Variants in NF1 observed in about 807,000 individuals in gnomAD.
The protein encoded by NF1 is neurofibromin 1.
Under a neutral mutation model 325.7 loss-of-function variants are expected in NF1, and 122 were observed. The ratio of observed to expected loss-of-function variants is 0.37; its 90% CI spans 0.32 to 0.44. NF1 has a LOEUF of 0.44. Ranked by LOEUF, NF1 falls within the 20% of genes least tolerant of loss-of-function variation. The pLI is 1.00. For missense variants in NF1, 2,140 were observed against 3,415.4 expected, an observed-to-expected ratio of 0.63 and a Z score of 9.31; for synonymous variants, 1,091 against 1,186.0, an observed-to-expected ratio of 0.92 and a Z score of 1.65.
At chr17:31,148,955 C>T (rs1233942899) in intron 1 of NF1, among the ~76,000 whole-genome samples, 1 of 152,028 alleles carries the variant, frequency 6.6e-6, no homozygotes, top group Non-Finnish European at 1.5e-5. Context: ...TTCACTTCTA[C>T]TTTCTTTTCA....
chr17:31,196,637 T>C (rs1446160397), intron 8 of NF1, among the ~76,000 whole-genome samples: 2 of 149,986 alleles, frequency 1.3e-5, no homozygotes, highest in East Asian at 1.9e-4. Context: ...TATTTTTTTT[T>C]CCTATATTTT....
rs1016733216 is a variant in NF1, at chr17:31,374,230, T to C, written c.*75T>C. 1.9e-6 allele frequency: 3 copies of C among 1,587,872 alleles called. No homozygotes were observed. Among genetic ancestry groups the C allele is most frequent in the South Asian group, 2.2e-5 (2 of 90,024 alleles). ...AGTGACCCCTTCCCTGTCCTTGCCC[T>C]TTCCCCCCATGTTGTAATGCTGCAC... On this transcript the variant is annotated 3_prime_UTR_variant, in exon 58 of 58. Coordinates refer to ENST00000358273, the MANE Select transcript of NF1 (RefSeq NM_001042492.3).
intron 8 of NF1, among the ~76,000 whole-genome samples, chr17:31,184,432 G>A (rs916695116): frequency 2.7e-4 from 41 of 151,834 alleles, no homozygotes; most frequent in African/African-American, 9.9e-4. Context: ...GGCGGATCAC[G>A]AGGTCAGGAG....
intron 1 of NF1, among the ~76,000 whole-genome samples, chr17:31,143,729 A>G (rs1916391501): frequency 6.6e-6 from 1 of 152,176 alleles, no homozygotes; most frequent in Non-Finnish European, 1.5e-5. Flanking sequence ...GATTGCAATT[A>G]ATTTGTACTT....
In NF1 at chr17:31,225,178, G is replaced by A. The variant is rs2144026901; in HGVS notation, c.1929G>A (p.Met643Ile). 6.2e-7 allele frequency: 1 copy of A among 1,613,754 alleles called. No individual in the cohort carries two copies. Among genetic ancestry groups the A allele is most frequent in the East Asian group, 2.2e-5 (1 of 44,850 alleles). Residue 643 changes from methionine (M) to isoleucine (I), a missense_variant, in exon 17 of 58, where the codon ATG becomes ATA. Around this residue, in one of 10 missense-constraint regions of NF1, gnomAD observed 45 missense variants for 42.5 expected, o/e 1.06. Coordinates refer to ENST00000358273, the MANE Select transcript of NF1 (RefSeq NM_001042492.3). ...CTTCTAGTGGAAATACCAGTCAAAT[G>A]TCCATGGATCATGAAGAATTACTAC... ...DIPSSGNTSQMSMDHEELLRT... is the reference protein window; with the variant it reads ...DIPSSGNTSQISMDHEELLRT...
chr17:31,269,990 G>C (rs2067861302), intron 36 of NF1, among the ~76,000 whole-genome samples: 1 of 152,200 alleles, frequency 6.6e-6, no homozygotes, highest in East Asian at 1.9e-4. Flanking sequence ...AAGGAAAATT[G>C]AATTGCTGTT....
intron 2 of NF1, among the ~76,000 whole-genome samples, chr17:31,157,462 A>G (rs2143636259): frequency 6.6e-6 from 1 of 152,174 alleles, no homozygotes; most frequent in Non-Finnish European, 1.5e-5. Context: ...CCTTATTCCC[A>G]TATTTTAGAT....
intron 54 of NF1, chr17:31,358,020 G>C (rs1235332294): frequency 5.6e-6 from 1 of 180,014 alleles, no homozygotes; most frequent in East Asian, 1.6e-4. Context: ...TTCCCTATTT[G>C]ATCTGACTCA....
At chr17:31,310,087 G>A (rs1489825224) in intron 36 of NF1, among the ~76,000 whole-genome samples, 3 of 152,096 alleles carry the variant, frequency 2.0e-5, no homozygotes, top group Admixed American at 6.6e-5. Context: ...TGAGGCCAGC[G>A]TTACTACCAG....
At chr17:31,362,464 GC>G in intron 57 of NF1, 1 of 476,208 alleles carries the variant, frequency 2.1e-6, no homozygotes, top group Non-Finnish European at 2.7e-6. Context: ...TAGAACCAAG[GC>G]CAGGCCCTTT....
At chr17:31,352,505 T>C in intron 51 of NF1, 91 bp downstream of exon 51, 1 of 1,307,464 alleles carries the variant, frequency 7.6e-7, no homozygotes, top group Non-Finnish European at 1.0e-6. Flanking sequence ...TTCAGGATTA[T>C]CAAAATTTTC....
Position 31,281,918 on chromosome 17 carries a change from G to A in NF1, c.4835+16579G>A, listed in dbSNP as rs1207128639. Reference sequence around the variant, plus strand: ...CAAAAAAAATTGCAAAAATTAGCTGGATGTGGTGGTTGATGCCTGTAGTCC... The same window carrying A: ...CAAAAAAAATTGCAAAAATTAGCTGAATGTGGTGGTTGATGCCTGTAGTCC... On this transcript the variant is annotated intron_variant, in intron 36 of 57. Coordinates refer to ENST00000358273, the MANE Select transcript of NF1 (RefSeq NM_001042492.3). Among the ~76,000 whole-genome samples, 7 of 152,098 alleles carry A rather than the reference G, an allele frequency of 4.6e-5. No homozygotes were observed. The South Asian group carries it at 6.2e-4, about 14-fold the overall frequency.
At chr17:31,165,606 G>A (rs1210317220) in intron 4 of NF1, among the ~76,000 whole-genome samples, 1 of 152,056 alleles carries the variant, frequency 6.6e-6, no homozygotes, top group Non-Finnish European at 1.5e-5. Flanking sequence ...CATTCTCCCC[G>A]TCAATGTTTC....
At chr17:31,195,091 A>G (rs149327211) in intron 8 of NF1, among the ~76,000 whole-genome samples, 1 of 152,262 alleles carries the variant, frequency 6.6e-6, no homozygotes, top group East Asian at 1.9e-4. Flanking sequence ...CATCAAGGTT[A>G]GGATTTCCTT....
In NF1 at chr17:31,171,033, C is replaced by T. The variant is rs916379838; in HGVS notation, c.586+1036C>T. ...GTTCTGCAATGTAGTTTTCAAAATA[C>T]GTGTTTTTGTTTTCTTAATATTTCC... On this transcript the variant is annotated intron_variant, in intron 5 of 57. Transcript: ENST00000358273. 9.2e-5 allele frequency among the ~76,000 whole-genome samples: 14 copies of T among 152,156 alleles called. No homozygotes were observed. In the East Asian group the frequency reaches 9.7e-4, roughly 10 times the overall value.
At chr17:31,100,934 C>T (rs1912269049) in intron 1 of NF1, among the ~76,000 whole-genome samples, 1 of 152,214 alleles carries the variant, frequency 6.6e-6, no homozygotes, top group Non-Finnish European at 1.5e-5. Context: ...CTTACACTTT[C>T]CACCTTATCT....
chr17:31,205,339 A>G (rs2066601265), intron 11 of NF1, among the ~76,000 whole-genome samples: 1 of 152,120 alleles, frequency 6.6e-6, no homozygotes, highest in Non-Finnish European at 1.5e-5. Flanking sequence ...TTTTAAATAA[A>G]CATCTGGAGT....
chr17:31,246,602 A>G lies in NF1; in HGVS notation c.3975-2382A>G, dbSNP rs909766705. On this transcript the variant is annotated intron_variant, in intron 29 of 57. Transcript: ENST00000358273. ...CTTACAGTTTAGTAAGAGGGATAAA[A>G]CACACAACAGATAAGTGGTGAGTTT... Among the ~76,000 whole-genome samples the G allele has an allele frequency of 7.9e-5, 12 of 152,316 alleles. No homozygotes were observed. In the South Asian group the frequency reaches 1.7e-3, roughly 21 times the overall value.
intron 1 of NF1, among the ~76,000 whole-genome samples, chr17:31,147,374 C>T (rs1236402315): frequency 1.3e-5 from 2 of 152,180 alleles, no homozygotes; most frequent in Admixed American, 1.3e-4. Context: ...AAATTAAGCT[C>T]ACAATTGTAA....
Sources: gnomAD v4.1 joint callset for allele counts (sites outside exome capture counted in the v4.1 genomes callset) on GRCh38, gnomAD v4.1.1 for gene constraint, gnomAD v4.1.1 regional missense constraint, MANE v1.5 for transcripts, NCBI Gene and HGNC (gene_info 2026-07-23, HGNC 2026-07-21) for gene names.